The following DNAI3 variants were observed in gnomAD, a reference collection of about 807,000 sequenced individuals.
DNAI3 encodes dynein axonemal intermediate chain 3, also known as WD repeat domain 63.
DNAI3 carries 83 observed loss-of-function variants against 115.5 expected under a neutral mutation model. That is an observed-to-expected ratio of 0.72 (90% CI 0.60 to 0.86). The LOEUF is 0.86. Ranked by LOEUF, DNAI3 falls within the 40% of genes least tolerant of loss-of-function variation. The probability of loss-of-function intolerance (pLI) is 0.00; values close to 1 mark genes in which losing one functional copy is unlikely to be tolerated. For synonymous variants in DNAI3, 320 were observed against 347.0 expected (o/e 0.92, Z 0.86); for missense variants, 1,004 against 1,075.8 (o/e 0.93, Z 0.93).
chr1:85,130,122 AT>A lies in DNAI3; in HGVS notation c.2532+13del. On this transcript the variant is annotated intron_variant, in intron 22 of 22. Transcript: ENST00000294664. ...GGCAAAGAAAAAAGTTGTAAGTTAA[AT>A]TTCAGAAATGAAAGATGTTTTCCTC... is the stretch of plus-strand genomic sequence containing the variant. 6.2e-7 allele frequency: 1 copy of A among 1,612,990 alleles called. No individual in the cohort carries two copies. Among genetic ancestry groups the A allele is most frequent in the Non-Finnish European group, 8.5e-7 (1 of 1,179,594 alleles).
chr1:85,119,309 TCTGTACGCACTAAACA>T (rs1379504228), intron 17 of DNAI3, among the ~76,000 whole-genome samples: 2 of 152,182 alleles, frequency 1.3e-5, no homozygotes. Context: ...AAACTGGGCG[TCTGTACGCACTAAACA>T]CTAACTCCCT....
intron 13 of DNAI3, chr1:85,099,246 G>A (rs1176932542): frequency 7.3e-5 from 72 of 985,182 alleles, no homozygotes; most frequent in Non-Finnish European, 8.4e-5. Context: ...TTCCTCAAGG[G>A]CATTAAAGAT....
At chr1:85,081,181 T>C in intron 3 of DNAI3, 53 bp from the exon 4 acceptor site, 1 of 1,415,784 alleles carries the variant, frequency 7.1e-7, no homozygotes, top group Non-Finnish European at 9.4e-7. Context: ...TTTCTAATGC[T>C]AATATTTTAA....
chr1:85,125,489 A>G (rs1209791649), intron 19 of DNAI3, among the ~76,000 whole-genome samples: 1 of 152,050 alleles, frequency 6.6e-6, no homozygotes, highest in Non-Finnish European at 1.5e-5. Flanking sequence ...TTAAATGGTC[A>G]TCAACAAAGA....
chr1:85,091,174 C>G (rs989955333), intron 8 of DNAI3, among the ~76,000 whole-genome samples: 2 of 152,118 alleles, frequency 1.3e-5, no homozygotes, highest in Non-Finnish European at 2.9e-5. Flanking sequence ...CTGAGTTTCA[C>G]CCTCCCCTTA....
chr1:85,084,022 G>C (rs1654710410), intron 5 of DNAI3, among the ~76,000 whole-genome samples: 1 of 151,250 alleles, frequency 6.6e-6, no homozygotes, highest in Admixed American at 6.6e-5. Flanking sequence ...CCATATATAT[G>C]TAGGTCAAAT....
intron 5 of DNAI3, among the ~76,000 whole-genome samples, chr1:85,084,336 C>T (rs11161523): frequency 0.19 from 26,773 of 141,028 alleles, 2,632 homozygotes; most frequent in South Asian, 0.27. Context: ...TCTTTTTCTT[C>T]TTTCTATATG....
intron 1 of DNAI3, among the ~76,000 whole-genome samples, chr1:85,069,958 T>C (rs988608828): frequency 1.3e-5 from 2 of 152,162 alleles, no homozygotes; most frequent in Non-Finnish European, 2.9e-5. Context: ...AAATATTGAT[T>C]AGATAATAAA....
chr1:85,086,003 T>C lies in DNAI3; in HGVS notation c.713T>C (p.Ile238Thr), dbSNP rs1484253384. The C allele has an allele frequency of 6.2e-7, 1 of 1,613,968 alleles. No homozygotes were observed. Among genetic ancestry groups the C allele is most frequent in the East Asian group, 2.2e-5 (1 of 44,858 alleles). Reference sequence around the variant, plus strand: ...GTTGGCATGCAAGTAATCCCCCAAATAAAGGACATAAGCACTCAGACAAAA... The same window carrying C: ...GTTGGCATGCAAGTAATCCCCCAAACAAAGGACATAAGCACTCAGACAAAA... ...KDVGMQVIPQ[I>T]KDISTQTKWT... Residue 238 changes from isoleucine (I) to threonine (T), a missense_variant, in exon 7 of 23, where the codon ATA (isoleucine) becomes ACA (threonine). Ile to Thr is a moderately conservative substitution (Grantham distance 89). This residue lies in a region of DNAI3 where 550 missense variants were observed against 568.1 expected (regional missense o/e 0.97). Coordinates refer to ENST00000294664, the MANE Select transcript of DNAI3 (RefSeq NM_145172.5).
chr1:85,071,903 C>T (rs1284416780), intron 1 of DNAI3, 25 bp from the exon 2 acceptor site: 3 of 1,582,322 alleles, frequency 1.9e-6, no homozygotes, highest in Admixed American at 3.9e-5. Context: ...TAACAATTTA[C>T]TAATAATATC....
chr1:85,082,485 AC>A, intron 5 of DNAI3, 81 bp downstream of exon 5: 1 of 1,132,128 alleles, frequency 8.8e-7, no homozygotes. Context: ...TTGCTCTGTC[AC>A]CCAGGCTAGA....
Position 85,096,033 on chromosome 1 carries a change from A to AT in DNAI3, c.1263+20dup, listed in dbSNP as rs781760173. On this transcript the variant is annotated intron_variant, in intron 11 of 22. Transcript: ENST00000294664. ...TATCAATGGGCAGGTACTTAACAGA[A>AT]TTTTTTTCAGCTATGTATTAATGTA... 2 of 1,612,162 alleles carry AT rather than the reference A, an allele frequency of 1.2e-6. No individual in the cohort carries two copies. Among genetic ancestry groups the AT allele is most frequent in the East Asian group, 2.2e-5 (1 of 44,842 alleles).
At chr1:85,082,971 T>G (rs534736418) in intron 5 of DNAI3, among the ~76,000 whole-genome samples, 1 of 152,184 alleles carries the variant, frequency 6.6e-6, no homozygotes, top group Non-Finnish European at 1.5e-5. Flanking sequence ...GCACCATTAT[T>G]GCACATTTCC....
At chr1:85,114,591 C>A (rs986585253) in intron 16 of DNAI3, among the ~76,000 whole-genome samples, 2 of 152,120 alleles carry the variant, frequency 1.3e-5, no homozygotes, top group East Asian at 3.9e-4. Flanking sequence ...CCATGATCTG[C>A]CTCCTGTGTG....
At chr1:85,076,933 C>G (rs563844505) in intron 3 of DNAI3, among the ~76,000 whole-genome samples, 1 of 152,272 alleles carries the variant, frequency 6.6e-6, no homozygotes, top group African/African-American at 2.4e-5. Context: ...TGTGTGGCCA[C>G]AGATGACTTC....
At chr1:85,076,092 G>T (rs542779046) in intron 3 of DNAI3, among the ~76,000 whole-genome samples, 1 of 152,230 alleles carries the variant, frequency 6.6e-6, no homozygotes, top group African/African-American at 2.4e-5. Context: ...GCTTCTAGAG[G>T]CCACTGTATT....
chr1:85,072,909 A>C (rs1185705093), intron 2 of DNAI3, 145 bp from the exon 3 acceptor site: 41 of 381,250 alleles, frequency 1.1e-4, no homozygotes, highest in South Asian at 1.1e-4. Flanking sequence ...GAGCTGAGAT[A>C]GCGCCACTGC....
At chr1:85,124,494 A>G (rs1199733186) in intron 19 of DNAI3, among the ~76,000 whole-genome samples, 1 of 152,182 alleles carries the variant, frequency 6.6e-6, no homozygotes, top group African/African-American at 2.4e-5. Flanking sequence ...GAAACTTAAC[A>G]GTCTTGGAAT....
intron 16 of DNAI3, among the ~76,000 whole-genome samples, chr1:85,112,217 A>G (rs1451462031): frequency 2.0e-5 from 3 of 152,176 alleles, no homozygotes; most frequent in Non-Finnish European, 4.4e-5. Flanking sequence ...ACATGCAGCA[A>G]TCTGGCTTCT....
Sources: allele counts gnomAD v4.1 joint callset (sites outside exome capture counted in the v4.1 genomes callset), GRCh38; gene constraint gnomAD v4.1.1; regional missense constraint gnomAD v4.1.1; transcripts MANE v1.5; gene names NCBI Gene and HGNC (gene_info 2026-07-23, HGNC 2026-07-21).